Variants in CYRIB observed in about 807,000 individuals in gnomAD.
CYRIB encodes CYFIP-related Rac1 interactor B.
Under a neutral mutation model 44.2 loss-of-function variants are expected in CYRIB, and 8 were observed. The observed-to-expected ratio is 0.18, with a 90% CI of 0.11 to 0.33. The LOEUF (loss-of-function observed/expected upper bound fraction) is 0.33. Among genes scored for constraint, CYRIB ranks in the 10% least tolerant of loss-of-function variants. The pLI is 1.00. For synonymous variants in CYRIB, 131 were observed against 127.2 expected, an observed-to-expected ratio of 1.03 and a Z score of -0.20; for missense variants, 185 against 382.8, an observed-to-expected ratio of 0.48 and a Z score of 4.31.
chr8:129,844,533 T>C lies in CYRIB; in HGVS notation c.911+2271A>G, dbSNP rs533935575. ...AATAAAGAAGACAATTATCTACTAC[T>C]GAATCTGAACTCCCAGCTCTCTTTT... On this transcript the variant is annotated intron_variant, in intron 11 of 11. Transcript: ENST00000519824. 4 of 152,328 alleles carry C rather than the reference T, an allele frequency of 2.6e-5. No individual in the cohort carries two copies. The South Asian group carries it at 8.3e-4, about 32-fold the overall frequency. 9.4% of individuals were successfully genotyped at this position (152,328 alleles called of 1,614,324 possible).
At chr8:129,846,690 G>T in intron 11 of CYRIB, 114 bp downstream of exon 13, 1 of 678,766 alleles carries the variant, frequency 1.5e-6, no homozygotes. Flanking sequence ...CATATTTCTA[G>T]CTTGAACACT....
At chr8:129,971,924 A>G (rs2095708963) in intron 1 of CYRIB, among the ~76,000 whole-genome samples, 1 of 152,166 alleles carries the variant, frequency 6.6e-6, no homozygotes, top group African/African-American at 2.4e-5. Flanking sequence ...AGTTAGTGTG[A>G]AGATCTGAGC....
chr8:129,983,428 G>A (rs1591731687), intron 1 of CYRIB, among the ~76,000 whole-genome samples: 1 of 152,158 alleles, frequency 6.6e-6, no homozygotes, highest in Admixed American at 6.5e-5. Flanking sequence ...CAGGGCGACA[G>A]AGCAAGACTC....
intron 2 of CYRIB, chr8:129,894,608 G>C (rs1451972562): frequency 6.6e-6 from 1 of 152,192 alleles, no homozygotes; most frequent in Non-Finnish European, 1.5e-5. Context: ...TTACTGATTA[G>C]AACAGGCTAG....
chr8:129,846,297 A>G (rs2039951196), intron 11 of CYRIB, among the ~76,000 whole-genome samples: 1 of 152,210 alleles, frequency 6.6e-6, no homozygotes, highest in African/African-American at 2.4e-5. Flanking sequence ...ACATTCTATT[A>G]AGAGGAAAGA....
chr8:129,847,041 T>G (rs979708356), intron 10 of CYRIB, 167 bp from the exon 13 acceptor site: 1 of 499,426 alleles, frequency 2.0e-6, no homozygotes, highest in Non-Finnish European at 3.5e-6. Context: ...TAAGAGTTAT[T>G]ATTCTCACTT....
intron 1 of CYRIB, among the ~76,000 whole-genome samples, 181 bp from the exon 3 acceptor site, chr8:129,904,766 G>A (rs1188868898): frequency 2.0e-5 from 3 of 152,058 alleles, no homozygotes; most frequent in African/African-American, 7.3e-5. Context: ...AAATCCTTGT[G>A]CCTACTATCT....
intron 2 of CYRIB, among the ~76,000 whole-genome samples, chr8:129,966,833 T>A (rs1222457091): frequency 2.0e-5 from 3 of 152,096 alleles, no homozygotes; most frequent in Non-Finnish European, 4.4e-5. Flanking sequence ...TAGCTGGGAA[T>A]ACAGGTGCAT....
chr8:129,996,717 C>G (rs1008570102), intron 1 of CYRIB, among the ~76,000 whole-genome samples: 8 of 152,060 alleles, frequency 5.3e-5, no homozygotes, highest in African/African-American at 1.9e-4. Context: ...AGCTTTGAGC[C>G]CTCCCTCCCC....
At chr8:129,848,851 C>A (rs1314246132) in intron 10 of CYRIB, among the ~76,000 whole-genome samples, 3 of 152,082 alleles carry the variant, frequency 2.0e-5, no homozygotes, top group Admixed American at 2.0e-4. Flanking sequence ...GGGCTACAGG[C>A]ATGAGCCAGC....
rs368644884 is a variant in CYRIB at position 129,924,303 on chromosome 8, G to T, written c.-50+15305C>A. On this transcript the variant is annotated intron_variant, in intron 1 of 11. Transcript: ENST00000519824. Reference sequence around the variant, plus strand: ...AAAAAAAAAAAACCGGGGGGGGGGGGGGTGGCGGGGGGGGTGTTACTTACC... The same window carrying T: ...AAAAAAAAAAAACCGGGGGGGGGGGTGGTGGCGGGGGGGGTGTTACTTACC... Among the ~76,000 whole-genome samples the T allele has an allele frequency of 1.3e-4, 8 of 62,814 alleles. No individual in the cohort carries two copies. The South Asian group carries it at 3.2e-3, about 25-fold the overall frequency. The allele number at this position is 62,814 out of a possible 152,430, so 41.2% of individuals were successfully genotyped here.
intron 4 of CYRIB, among the ~76,000 whole-genome samples, chr8:129,863,246 GC>G (rs1437314524): frequency 6.6e-6 from 1 of 152,224 alleles, no homozygotes; most frequent in Middle Eastern, 3.2e-3. Context: ...AGAATTGTCA[GC>G]TGGGCGCCGT....
intron 1 of CYRIB, among the ~76,000 whole-genome samples, chr8:129,994,819 T>C (rs2096731434): frequency 6.6e-6 from 1 of 152,224 alleles, no homozygotes; most frequent in African/African-American, 2.4e-5. Flanking sequence ...CCACGGATAC[T>C]GTGCAGGGGG....
chr8:129,940,243 C>G (rs1479428229), upstream of CYRIB, among the ~76,000 whole-genome samples: 2 of 152,070 alleles, frequency 1.3e-5, no homozygotes, highest in East Asian at 3.9e-4. Flanking sequence ...GCGAAGTTGC[C>G]ATATTCCCCC....
At chr8:129,889,503 TG>T (rs1037575755) in intron 2 of CYRIB, among the ~76,000 whole-genome samples, 13 of 152,326 alleles carry the variant, frequency 8.5e-5, no homozygotes, top group African/African-American at 2.6e-4. Context: ...GAAAGCCTTC[TG>T]GAAAGGATTC....
Position 129,863,416 on chromosome 8 carries a change from T to C in CYRIB, c.196-1082A>G, listed in dbSNP as rs541826140. Among the ~76,000 whole-genome samples, 8 of 151,880 alleles carry C rather than the reference T, an allele frequency of 5.3e-5. No homozygotes were observed. In the East Asian group the frequency reaches 1.5e-3, roughly 29 times the overall value. On this transcript the variant is annotated intron_variant, in intron 4 of 11. Coordinates refer to ENST00000519824, the Ensembl canonical transcript of CYRIB. ...GGTGTGTGCCTGTAATCCCAGTTAC[T>C]CAGGAGGCTGAGACAGGAGAATTGC...
At chr8:129,911,262 G>A (rs980222020) in intron 1 of CYRIB, among the ~76,000 whole-genome samples, 73 of 152,122 alleles carry the variant, frequency 4.8e-4, no homozygotes, top group African/African-American at 1.7e-3. Context: ...TTTCATTGAT[G>A]AGCAATCAGA....
At chr8:129,955,252 CAAAA>C (rs34829432) in intron 2 of CYRIB, among the ~76,000 whole-genome samples, 4 of 102,856 alleles carry the variant, frequency 3.9e-5, no homozygotes, top group African/African-American at 3.7e-5. Context: ...AACTCCGTCT[CAAAA>C]AAAAAAAAAA....
At chr8:130,001,346 C>T (rs1202565303) in intron 1 of CYRIB, among the ~76,000 whole-genome samples, 1 of 152,016 alleles carries the variant, frequency 6.6e-6, no homozygotes, top group African/African-American at 2.4e-5. Context: ...AGAGATTGGT[C>T]AGGTGCTTGG....
Sources: gnomAD v4.1 joint callset for allele counts (sites outside exome capture counted in the v4.1 genomes callset) on GRCh38, gnomAD v4.1.1 for gene constraint, MANE v1.5 for transcripts, NCBI Gene and HGNC (gene_info 2026-07-23, HGNC 2026-07-21) for gene names.